The following MPP7 variants were observed in gnomAD, a reference collection of about 807,000 sequenced individuals.
The protein encoded by MPP7 is MAGUK p55 scaffold protein 7.
A neutral mutation model predicts 76.5 loss-of-function variants in MPP7; 60 were observed. That is an observed-to-expected ratio of 0.78 (90% CI 0.64 to 0.97). MPP7 has a LOEUF of 0.97. Among genes scored for constraint, MPP7 ranks in the 50% least tolerant of loss-of-function variants. The pLI is 0.00. For missense variants in MPP7, 641 were observed against 694.0 expected (o/e 0.92, Z 0.86); for synonymous variants, 237 against 244.5 (o/e 0.97, Z 0.29).
chr10:28,139,453 A>G (rs1396001710), intron 5 of MPP7, among the ~76,000 whole-genome samples: 1 of 152,196 alleles, frequency 6.6e-6, no homozygotes, highest in African/African-American at 2.4e-5. Context: ...TCGGCCTCCA[A>G]CAAATAAGAA....
At chr10:28,330,252 C>G (rs1834459284) in intron 1 of MPP7, among the ~76,000 whole-genome samples, 1 of 152,066 alleles carries the variant, frequency 6.6e-6, no homozygotes, top group Non-Finnish European at 1.5e-5. Context: ...AAAATCAGGT[C>G]AAAACTGAAC....
intron 11 of MPP7, among the ~76,000 whole-genome samples, chr10:28,090,139 C>T (rs1040947573): frequency 6.6e-6 from 1 of 151,884 alleles, no homozygotes; most frequent in African/African-American, 2.4e-5. Context: ...TTTTAAAATA[C>T]TTTGTAGAGA....
chr10:28,311,706 G>C (rs1456859046), intron 2 of MPP7, among the ~76,000 whole-genome samples: 2 of 151,760 alleles, frequency 1.3e-5, no homozygotes, highest in Non-Finnish European at 2.9e-5. Context: ...AACATAGCAA[G>C]ACCCCATCTC....
chr10:28,201,868 G>C (rs1481948386), intron 3 of MPP7, among the ~76,000 whole-genome samples: 1 of 152,110 alleles, frequency 6.6e-6, no homozygotes, highest in Admixed American at 6.6e-5. Context: ...AATGTTGACC[G>C]TAAAAGAGTC....
At chr10:28,137,700 G>T (rs1835391712) in intron 5 of MPP7, among the ~76,000 whole-genome samples, 1 of 152,116 alleles carries the variant, frequency 6.6e-6, no homozygotes, top group African/African-American at 2.4e-5. Context: ...TTTAACTGAG[G>T]TGATTTTATT....
At chr10:28,325,975 CAAAAAAAAA>C (rs71281552) in intron 2 of MPP7, among the ~76,000 whole-genome samples, 8 of 96,378 alleles carry the variant, frequency 8.3e-5, no homozygotes, top group Non-Finnish European at 1.7e-4. Flanking sequence ...GACCTCATCT[CAAAAAAAAA>C]AAAAAAAAAA....
chr10:28,230,827 T>C (rs964056512), intron 2 of MPP7, among the ~76,000 whole-genome samples: 5 of 151,966 alleles, frequency 3.3e-5, no homozygotes, highest in South Asian at 2.1e-4. Context: ...AATAAATAAA[T>C]AAATAAACTA....
intron 1 of MPP7, among the ~76,000 whole-genome samples, chr10:28,284,798 T>C (rs1840756864): frequency 6.6e-6 from 1 of 152,228 alleles, no homozygotes; most frequent in African/African-American, 2.4e-5. Flanking sequence ...TTATACATTT[T>C]TGAATCTGAT....
intron 2 of MPP7, among the ~76,000 whole-genome samples, chr10:28,320,963 C>T (rs1834364227): frequency 6.6e-6 from 1 of 152,096 alleles, no homozygotes. Context: ...CAGAGCTATG[C>T]ATGGCACAGG....
At chr10:28,156,361 T>C (rs1383232495) in intron 3 of MPP7, among the ~76,000 whole-genome samples, 1 of 152,188 alleles carries the variant, frequency 6.6e-6, no homozygotes, top group African/African-American at 2.4e-5. Context: ...CTGGTGTTCC[T>C]AGTAAGAGGA....
intron 3 of MPP7, among the ~76,000 whole-genome samples, chr10:28,179,218 T>A (rs1397185425): frequency 1.3e-5 from 2 of 152,188 alleles, no homozygotes; most frequent in African/African-American, 4.8e-5. Flanking sequence ...TCAGATCTTA[T>A]TTAACTAGAT....
intron 12 of MPP7, among the ~76,000 whole-genome samples, chr10:28,080,367 T>G (rs1029767652): frequency 1.3e-5 from 2 of 152,170 alleles, no homozygotes; most frequent in Non-Finnish European, 2.9e-5. Flanking sequence ...GAAACTGCCT[T>G]ACTTCAGAGT....
intron 1 of MPP7, among the ~76,000 whole-genome samples, chr10:28,245,257 C>G (rs17752690): frequency 0.057 from 8,743 of 152,292 alleles, 317 homozygotes; most frequent in Non-Finnish European, 0.08. Context: ...CAGCATTCCA[C>G]TGGCATTCCC....
chr10:28,326,919 T>A (rs1834421336), intron 2 of MPP7, among the ~76,000 whole-genome samples: 1 of 151,810 alleles, frequency 6.6e-6, no homozygotes, highest in South Asian at 2.1e-4. Context: ...CAAGAAAGAG[T>A]TGAAGTGTTC....
chr10:28,213,461 T>C (rs1370965147), intron 2 of MPP7, among the ~76,000 whole-genome samples: 1 of 152,086 alleles, frequency 6.6e-6, no homozygotes, highest in Non-Finnish European at 1.5e-5. Context: ...CAGGGTTTCA[T>C]GCTGAGAGTG....
At position 28,052,077 on chromosome 10, in the gene MPP7, C is replaced by T. The variant is rs576512627; in HGVS notation, c.*1988G>A. 6 of 152,234 alleles carry T rather than the reference C, an allele frequency of 3.9e-5. No individual in the cohort carries two copies. In the East Asian group the frequency reaches 1.2e-3, roughly 29 times the overall value. 9.4% of individuals were successfully genotyped at this position (152,234 alleles called of 1,614,324 possible). On this transcript the variant is annotated 3_prime_UTR_variant, in exon 17 of 17. Transcript: ENST00000683449. ...AGGACTCAGTTTCTCCCACTTTACA[C>T]TATATCTCTGTCCCCAAAGTAAATA...
chr10:28,185,240 A>G (rs1436656497), intron 3 of MPP7, among the ~76,000 whole-genome samples: 1 of 149,860 alleles, frequency 6.7e-6, no homozygotes. Context: ...ATATTAAGAT[A>G]AATATAATTG....
intron 2 of MPP7, among the ~76,000 whole-genome samples, chr10:28,218,883 G>A (rs1435923723): frequency 1.3e-5 from 2 of 152,078 alleles, no homozygotes; most frequent in Non-Finnish European, 2.9e-5. Flanking sequence ...CCTCATTTCA[G>A]AAATGTTTGA....
chr10:28,256,517 A>C (rs2132893661), intron 1 of MPP7, among the ~76,000 whole-genome samples: 1 of 152,286 alleles, frequency 6.6e-6, no homozygotes, highest in South Asian at 2.1e-4. Flanking sequence ...GACAGGAAAA[A>C]AAAGTAATGA....
Sources: allele counts gnomAD v4.1 joint callset (sites outside exome capture counted in the v4.1 genomes callset), GRCh38; gene constraint gnomAD v4.1.1; transcripts MANE v1.5; gene names NCBI Gene and HGNC (gene_info 2026-07-23, HGNC 2026-07-21).